Variants in ZNF804B observed in about 807,000 individuals in gnomAD.
ZNF804B encodes the protein zinc finger 804B.
A neutral mutation model predicts 101.4 loss-of-function variants in ZNF804B; 80 were observed. That is an observed-to-expected ratio of 0.79 (90% CI 0.66 to 0.95). The LOEUF is 0.95. Among genes scored for constraint, ZNF804B ranks in the 40% least tolerant of loss-of-function variants. The pLI is 0.00. For synonymous variants in ZNF804B, 622 were observed against 558.8 expected (o/e 1.11, Z -1.59); for missense variants, 1,673 against 1,561.9 (o/e 1.07, Z -1.20).
chr7:88,957,003 C>A (rs1793319809), intron 1 of ZNF804B, among the ~76,000 whole-genome samples: 1 of 151,410 alleles, frequency 6.6e-6, no homozygotes, highest in Non-Finnish European at 1.5e-5. Flanking sequence ...GACAATCTGT[C>A]TCTTATTGAT....
At chr7:89,147,748 A>G (rs1016977075) in intron 1 of ZNF804B, among the ~76,000 whole-genome samples, 2 of 151,918 alleles carry the variant, frequency 1.3e-5, no homozygotes, top group East Asian at 3.9e-4. Flanking sequence ...AGGAGAACGA[A>G]CCCTATTGTG....
chr7:88,864,443 C>T (rs927326729), intron 1 of ZNF804B, among the ~76,000 whole-genome samples: 2 of 152,032 alleles, frequency 1.3e-5, no homozygotes, highest in Non-Finnish European at 2.9e-5. Context: ...GAAGTGATGC[C>T]AGGCAGGATG....
intron 1 of ZNF804B, among the ~76,000 whole-genome samples, chr7:89,038,259 G>A (rs897829352): frequency 6.6e-6 from 1 of 152,058 alleles, no homozygotes; most frequent in Admixed American, 6.6e-5. Flanking sequence ...TCCATAATGT[G>A]TATACTAATT....
chr7:89,317,763 T>C (rs77068633), intron 2 of ZNF804B, among the ~76,000 whole-genome samples: 3,106 of 152,270 alleles, frequency 0.02, 94 homozygotes, highest in African/African-American at 0.071. Context: ...AATTCTCCAG[T>C]ATTATCACCA....
intron 1 of ZNF804B, among the ~76,000 whole-genome samples, chr7:88,819,054 G>A (rs548975582): frequency 1.6e-4 from 25 of 152,214 alleles, no homozygotes; most frequent in African/African-American, 5.3e-4. Flanking sequence ...AGATAGTAGC[G>A]TGATTGACTG....
chr7:88,945,345 G>A (rs7798499), intron 1 of ZNF804B, among the ~76,000 whole-genome samples: 36,558 of 151,710 alleles, frequency 0.24, 4,775 homozygotes, highest in East Asian at 0.48. Flanking sequence ...TTAAATAAGG[G>A]ATCCTTTCCC....
At chr7:89,221,884 A>G (rs769434431) in intron 2 of ZNF804B, among the ~76,000 whole-genome samples, 2 of 151,898 alleles carry the variant, frequency 1.3e-5, no homozygotes, top group Non-Finnish European at 2.9e-5. Context: ...TACTGTGTCC[A>G]TTGTGAAAAA....
At chr7:89,209,768 C>T (rs144989081) in intron 1 of ZNF804B, among the ~76,000 whole-genome samples, 35 of 152,194 alleles carry the variant, frequency 2.3e-4, no homozygotes, top group African/African-American at 7.5e-4. Flanking sequence ...TTATTAATTT[C>T]ACTTTTCAAT....
intron 1 of ZNF804B, among the ~76,000 whole-genome samples, chr7:88,797,396 T>G (rs1406500954): frequency 6.6e-6 from 1 of 152,136 alleles, no homozygotes; most frequent in Non-Finnish European, 1.5e-5. Flanking sequence ...ACATCTACTT[T>G]ATAAAGTTAA....
chr7:88,943,052 C>T (rs913327338), intron 1 of ZNF804B, among the ~76,000 whole-genome samples: 1 of 151,786 alleles, frequency 6.6e-6, no homozygotes, highest in Non-Finnish European at 1.5e-5. Context: ...GTTATGCTTG[C>T]CAGCTGCAAA....
chr7:88,870,406 A>AAAAAAAAAAAAAAAAGAAAAAG, intron 1 of ZNF804B, among the ~76,000 whole-genome samples: 1 of 149,364 alleles, frequency 6.7e-6, no homozygotes, highest in African/African-American at 2.5e-5. Context: ...AAAAAAAAAA[A>AAAAAAAAAAAAAAAAGAAAAAG]AGGTGGGTGA....
At chr7:89,193,765 A>G (rs1328403039) in intron 1 of ZNF804B, among the ~76,000 whole-genome samples, 1 of 152,030 alleles carries the variant, frequency 6.6e-6, no homozygotes, top group South Asian at 2.1e-4. Flanking sequence ...TAGTGCCACA[A>G]TAAACATACG....
At chr7:89,101,668 C>A (rs1790057181) in intron 1 of ZNF804B, among the ~76,000 whole-genome samples, 2 of 151,830 alleles carry the variant, frequency 1.3e-5, no homozygotes, top group Non-Finnish European at 2.9e-5. Context: ...CCTTTCTTTT[C>A]ACACTTAATT....
At chr7:88,780,363 A>G (rs1790205564) in intron 1 of ZNF804B, among the ~76,000 whole-genome samples, 1 of 150,766 alleles carries the variant, frequency 6.6e-6, no homozygotes, top group Non-Finnish European at 1.5e-5. Context: ...TAAGTAAGAA[A>G]TTAATGGTAA....
At chr7:89,200,317 A>G (rs1403038823) in intron 1 of ZNF804B, among the ~76,000 whole-genome samples, 1 of 152,000 alleles carries the variant, frequency 6.6e-6, no homozygotes, top group Non-Finnish European at 1.5e-5. Context: ...CAAGTCATAT[A>G]CAATTCCTAT....
At chr7:88,978,353 A>G (rs35393743) in intron 1 of ZNF804B, among the ~76,000 whole-genome samples, 20,774 of 151,456 alleles carry the variant, frequency 0.14, 1,830 homozygotes, top group East Asian at 0.29. Flanking sequence ...ACTGGGGTTT[A>G]CCTCTCTCTT....
At position 89,334,442 on chromosome 7, in the gene ZNF804B, A is replaced by G. The variant is rs1584132087; in HGVS notation, c.1460A>G (p.Asn487Ser). 4.3e-6 allele frequency: 7 copies of G among 1,613,722 alleles called. No individual in the cohort carries two copies. The highest frequency in any genetic ancestry group is 5.9e-6 in the Non-Finnish European group (7 of 1,179,808). Residue 487 changes from asparagine (N) to serine (S), a missense_variant, in exon 4 of 4, where the codon AAC (asparagine) becomes AGC (serine). Physicochemically the swap from Asn to Ser is conservative, Grantham distance 46. Coordinates refer to ENST00000333190, the MANE Select transcript of ZNF804B (RefSeq NM_181646.5). ...PLYFDFKLSR[N>S]TKEDHNLEDL... ...TATTTTGATTTTAAGCTTTCTCGGA[A>G]CACAAAGGAAGACCACAATCTAGAG...
chr7:88,764,378 G>A (rs977156339), intron 1 of ZNF804B, among the ~76,000 whole-genome samples: 5 of 152,122 alleles, frequency 3.3e-5, no homozygotes, highest in Admixed American at 1.3e-4. Context: ...TTGTCTTAAT[G>A]CATTGGGTAT....
At chr7:88,799,193 G>A (rs1210917101) in intron 1 of ZNF804B, among the ~76,000 whole-genome samples, 1 of 151,860 alleles carries the variant, frequency 6.6e-6, no homozygotes, top group Admixed American at 6.6e-5. Flanking sequence ...AATTTATCAT[G>A]TCCTTTTTGT....
Sources: gnomAD v4.1 joint callset for allele counts (sites outside exome capture counted in the v4.1 genomes callset) on GRCh38, gnomAD v4.1.1 for gene constraint, MANE v1.5 for transcripts, NCBI Gene and HGNC (gene_info 2026-07-23, HGNC 2026-07-21) for gene names.